Variants in CADM1 observed in about 807,000 individuals in gnomAD.
CADM1 encodes the protein TSLC-1.
A neutral mutation model predicts 53.1 loss-of-function variants in CADM1; 15 were observed. The observed-to-expected ratio is 0.28, with a 90% CI of 0.19 to 0.44. CADM1 has a LOEUF of 0.44. CADM1 is among the 20% of genes least tolerant of loss of function. The probability of loss-of-function intolerance (pLI) is 1.00; values close to 1 mark genes in which losing one functional copy is unlikely to be tolerated. For synonymous variants in CADM1, 281 were observed against 243.0 expected, an observed-to-expected ratio of 1.16 and a Z score of -1.45; for missense variants, 434 against 611.3, an observed-to-expected ratio of 0.71 and a Z score of 3.06.
intron 10 of CADM1, among the ~76,000 whole-genome samples, chr11:115,186,134 A>G (rs1402861387): frequency 6.6e-6 from 1 of 152,164 alleles, no homozygotes; most frequent in Non-Finnish European, 1.5e-5. Context: ...CATGGACCCA[A>G]TGTGATTTCT....
At chr11:115,191,618 G>A (rs1231707615) in intron 9 of CADM1, among the ~76,000 whole-genome samples, 1 of 152,126 alleles carries the variant, frequency 6.6e-6, no homozygotes. Context: ...TTCCAATGCT[G>A]GCCAGCTGAG....
At chr11:115,368,110 C>CTTTTTTTTT (rs58589028) in intron 1 of CADM1, among the ~76,000 whole-genome samples, 3 of 61,880 alleles carry the variant, frequency 4.8e-5, no homozygotes, top group African/African-American at 2.0e-4. Context: ...TCACTAGAGT[C>CTTTTTTTTT]TTTTTTTTTT....
chr11:115,495,650 G>A lies in CADM1; in HGVS notation c.124+8621C>T, dbSNP rs548112398. ...AAATTCCTAGACCTGTCCCGATGCT[G>A]GCCTGGCAGTGACTGATGGCGGTAA... On this transcript the variant is annotated intron_variant, in intron 1 of 11. Coordinates refer to ENST00000331581, the MANE Select transcript of CADM1 (RefSeq NM_001301043.2). Among the ~76,000 whole-genome samples, 13 of 152,248 alleles carry A rather than the reference G, an allele frequency of 8.5e-5. No individual in the cohort carries two copies. The East Asian group carries it at 2.3e-3, about 27-fold the overall frequency.
chr11:115,416,574 C>A (rs530122661), intron 1 of CADM1, among the ~76,000 whole-genome samples: 1 of 152,154 alleles, frequency 6.6e-6, no homozygotes, highest in East Asian at 1.9e-4. Flanking sequence ...AGTATTCTGT[C>A]CTACACAAAC....
chr11:115,387,370 T>C (rs1028331071), intron 1 of CADM1, among the ~76,000 whole-genome samples: 1 of 151,764 alleles, frequency 6.6e-6, no homozygotes, highest in African/African-American at 2.4e-5. Flanking sequence ...ATGGGAAAGA[T>C]AAAAACCTAA....
intron 10 of CADM1, chr11:115,190,561 A>G (rs1213505961): frequency 8.4e-6 from 2 of 238,314 alleles, no homozygotes; most frequent in Non-Finnish European, 1.6e-5. Context: ...TTGTAATACA[A>G]CAAAATTTCT....
intron 5 of CADM1, among the ~76,000 whole-genome samples, chr11:115,223,171 G>A (rs553692837): frequency 2.4e-4 from 37 of 152,252 alleles, no homozygotes; most frequent in African/African-American, 6.7e-4. Flanking sequence ...ACGAGTTCCC[G>A]TTAGTCCTCA....
intron 1 of CADM1, among the ~76,000 whole-genome samples, chr11:115,268,085 G>A (rs1356444425): frequency 6.6e-6 from 1 of 152,294 alleles, no homozygotes; most frequent in East Asian, 1.9e-4. Context: ...ACGAAGAATT[G>A]TTTTTCCAGT....
At chr11:115,338,247 A>T (rs1453220897) in intron 1 of CADM1, among the ~76,000 whole-genome samples, 1 of 152,184 alleles carries the variant, frequency 6.6e-6, no homozygotes, top group Non-Finnish European at 1.5e-5. Context: ...AAAAACCCTA[A>T]GAGGTAGAAA....
intron 1 of CADM1, among the ~76,000 whole-genome samples, chr11:115,335,577 T>C (rs1210974473): frequency 6.6e-6 from 1 of 152,144 alleles, no homozygotes. Flanking sequence ...TTAAATTGGA[T>C]TGTGGAATCT....
At chr11:115,178,838 G>A (rs975857902) in intron 10 of CADM1, 63 bp from the exon 11 acceptor site, 19 of 1,577,826 alleles carry the variant, frequency 1.2e-5, no homozygotes, top group Admixed American at 1.2e-4. Context: ...AAGCCCCGGC[G>A]ACACTGTCTC....
In CADM1 at chr11:115,176,423, T is replaced by C. The variant is rs1939032064; in HGVS notation, c.*51A>G. ...GCAAGTTCCAATATCACTGTCTCTT[T>C]ATCATCTAAATAGGGCCAGTTGGAC... is the stretch of plus-strand genomic sequence containing the variant. On this transcript the variant is annotated 3_prime_UTR_variant, in exon 12 of 12. Coordinates refer to ENST00000331581, the MANE Select transcript of CADM1 (RefSeq NM_001301043.2). 3.1e-6 allele frequency: 5 copies of C among 1,610,816 alleles called. No homozygotes were observed. The highest frequency in any genetic ancestry group is 4.2e-6 in the Non-Finnish European group (5 of 1,178,006).
rs538160160 is a variant in CADM1, at chr11:115,379,742, T to C, written c.124+124529A>G. On this transcript the variant is annotated intron_variant, in intron 1 of 11. Transcript: ENST00000331581. The stretch of plus-strand genomic sequence containing the variant: ...GCTTCTGCTCAACTTCACTTTTTGA[T>C]AGTAAAAATGAGATTATGACTCATT... Among the ~76,000 whole-genome samples, 17 of 152,324 alleles carry C rather than the reference T, an allele frequency of 1.1e-4. No individual in the cohort carries two copies. The East Asian group carries it at 2.3e-3, about 21-fold the overall frequency.
intron 1 of CADM1, among the ~76,000 whole-genome samples, chr11:115,319,528 T>C (rs959523524): frequency 2.6e-5 from 4 of 152,182 alleles, no homozygotes; most frequent in Non-Finnish European, 4.4e-5. Context: ...GCAGGTAGAA[T>C]TATATTCCCA....
chr11:115,377,536 C>T (rs1048286803), intron 1 of CADM1: 1 of 152,162 alleles, frequency 6.6e-6, no homozygotes, highest in African/African-American at 2.4e-5. Context: ...AATTACAAAT[C>T]TGACAATGAA....
chr11:115,223,973 A>AGAGAGAG (rs1555043882), intron 5 of CADM1, among the ~76,000 whole-genome samples: 1,336 of 92,468 alleles, frequency 0.014, 22 homozygotes, highest in East Asian at 0.034. Context: ...AAAAAAAAAA[A>AGAGAGAG]AGAGAGAGAG....
At chr11:115,236,232 CTG>C (rs1489622698) in intron 3 of CADM1, among the ~76,000 whole-genome samples, 1 of 152,170 alleles carries the variant, frequency 6.6e-6, no homozygotes, top group African/African-American at 2.4e-5. Context: ...GAAGATGCTA[CTG>C]TCATTCTTCA....
At chr11:115,453,362 T>C (rs1448898164) in intron 1 of CADM1, among the ~76,000 whole-genome samples, 1 of 145,036 alleles carries the variant, frequency 6.9e-6, no homozygotes, top group African/African-American at 2.6e-5. Flanking sequence ...TGAAACCCTA[T>C]ACCCCCCTCG....
At chr11:115,280,538 C>A (rs1004802899) in intron 1 of CADM1, among the ~76,000 whole-genome samples, 3 of 152,132 alleles carry the variant, frequency 2.0e-5, no homozygotes, top group African/African-American at 7.2e-5. Flanking sequence ...TTAGTCCTAC[C>A]GAATGAACTT....
Sources: allele counts gnomAD v4.1 joint callset (sites outside exome capture counted in the v4.1 genomes callset), GRCh38; gene constraint gnomAD v4.1.1; transcripts MANE v1.5; gene names NCBI Gene and HGNC (gene_info 2026-07-23, HGNC 2026-07-21).